Variants in ASCC3 observed in about 807,000 individuals in gnomAD.
The protein encoded by ASCC3 is ASC-1 complex subunit P200.
ASCC3 carries 158 observed loss-of-function variants against 256.3 expected under a neutral mutation model. The ratio of observed to expected loss-of-function variants is 0.62; its 90% CI spans 0.54 to 0.70. ASCC3 has a LOEUF of 0.70. ASCC3 is among the 30% of genes least tolerant of loss of function. The probability of loss-of-function intolerance (pLI) is 0.00; values close to 1 mark genes in which losing one functional copy is unlikely to be tolerated. For synonymous variants in ASCC3, 948 were observed against 883.4 expected, an observed-to-expected ratio of 1.07 and a Z score of -1.30; for missense variants, 2,259 against 2,626.0, an observed-to-expected ratio of 0.86 and a Z score of 3.05.
intron 4 of ASCC3, among the ~76,000 whole-genome samples, chr6:100,833,057 C>T (rs1445174174): frequency 1.3e-5 from 2 of 151,910 alleles, no homozygotes; most frequent in Non-Finnish European, 2.9e-5. Flanking sequence ...ACCAACATAT[C>T]CTTCAATAGG....
At chr6:100,565,169 T>C (rs1770169121) in intron 36 of ASCC3, among the ~76,000 whole-genome samples, 1 of 152,212 alleles carries the variant, frequency 6.6e-6, no homozygotes. Context: ...ACTGCATTTT[T>C]CCAGATGAAT....
At chr6:100,581,164 T>C (rs1356056289) in intron 36 of ASCC3, among the ~76,000 whole-genome samples, 1 of 152,168 alleles carries the variant, frequency 6.6e-6, no homozygotes, top group Non-Finnish European at 1.5e-5. Flanking sequence ...CACACTGACT[T>C]CCACAATGGT....
intron 36 of ASCC3, among the ~76,000 whole-genome samples, chr6:100,564,837 CA>C (rs1179087223): frequency 1.3e-5 from 2 of 151,784 alleles, no homozygotes; most frequent in Admixed American, 6.6e-5. Context: ...GAAAGGTGGT[CA>C]AGAATAAGTT....
chr6:100,550,575 C>G (rs149723813), intron 36 of ASCC3, among the ~76,000 whole-genome samples: 127 of 152,078 alleles, frequency 8.4e-4, no homozygotes, highest in African/African-American at 2.9e-3. Flanking sequence ...GAGTGCTGAA[C>G]TCACAGAGAA....
chr6:100,526,350 G>C (rs1774576048), intron 37 of ASCC3, among the ~76,000 whole-genome samples: 1 of 152,170 alleles, frequency 6.6e-6, no homozygotes, highest in South Asian at 2.1e-4. Context: ...CCCCAACCGG[G>C]AAAAGGGTTG....
chr6:100,682,089 G>A (rs1777336484), intron 13 of ASCC3, among the ~76,000 whole-genome samples: 1 of 151,952 alleles, frequency 6.6e-6, no homozygotes, highest in East Asian at 1.9e-4. Flanking sequence ...TCCATTGTAA[G>A]TTTCTTTTTA....
At chr6:100,583,542 C>T (rs1282640890) in intron 36 of ASCC3, among the ~76,000 whole-genome samples, 1 of 152,150 alleles carries the variant, frequency 6.6e-6, no homozygotes, top group East Asian at 1.9e-4. Context: ...AAACCAGCTC[C>T]TGAATTCATT....
intron 36 of ASCC3, among the ~76,000 whole-genome samples, chr6:100,550,364 G>A (rs1441989802): frequency 6.6e-6 from 1 of 151,736 alleles, no homozygotes; most frequent in Non-Finnish European, 1.5e-5. Flanking sequence ...TACTATGTAG[G>A]TCAACTTAAT....
At chr6:100,849,444 A>G (rs1772553479) in intron 3 of ASCC3, among the ~76,000 whole-genome samples, 1 of 152,152 alleles carries the variant, frequency 6.6e-6, no homozygotes, top group Admixed American at 6.5e-5. Flanking sequence ...TTTTCTTTCC[A>G]ATTTGTACCA....
chr6:100,607,626 A>T (rs952043192), intron 30 of ASCC3, among the ~76,000 whole-genome samples: 6 of 152,048 alleles, frequency 3.9e-5, no homozygotes, highest in Non-Finnish European at 7.4e-5. Context: ...TAATAACAGT[A>T]ATCTTATATA....
chr6:100,715,472 G>T lies in ASCC3; in HGVS notation c.2141C>A (p.Ala714Asp). The T allele has an allele frequency of 6.2e-7, 1 of 1,610,326 alleles. No individual in the cohort carries two copies. Among genetic ancestry groups the T allele is most frequent in the Non-Finnish European group, 8.5e-7 (1 of 1,177,436 alleles). The change falls in exon 13 of 42, where the codon GCT (alanine) becomes GAT (aspartate). Residue 714 changes from alanine (A) to aspartate (D), a missense_variant. Coordinates refer to ENST00000369162, the MANE Select transcript of ASCC3 (RefSeq NM_006828.4). ...CYENVLKQVK[A>D]GHQVMVFVHA... ...ATAAAATAAGTGTACCTGGTGTCCA[G>T]CCTTTACTTGCTTCAAAACATTTTC... is the stretch of plus-strand genomic sequence containing the variant.
At chr6:100,642,957 T>C (rs7756019) in intron 23 of ASCC3, among the ~76,000 whole-genome samples, 4,614 of 152,258 alleles carry the variant, frequency 0.03, 78 homozygotes, top group African/African-American at 0.055. Flanking sequence ...ATTTTATGGC[T>C]AATTTATATT....
At chr6:100,646,515 C>A in intron 22 of ASCC3, 100 bp downstream of exon 22, 2 of 1,270,654 alleles carry the variant, frequency 1.6e-6, no homozygotes, top group Non-Finnish European at 1.1e-6. Context: ...AATATATATT[C>A]TTTTTAGAGG....
At chr6:100,818,997 G>A (rs1041353405) in intron 4 of ASCC3, among the ~76,000 whole-genome samples, 4 of 152,162 alleles carry the variant, frequency 2.6e-5, no homozygotes, top group African/African-American at 7.2e-5. Context: ...TAAAAAGGAT[G>A]AGTTCATGTC....
intron 36 of ASCC3, among the ~76,000 whole-genome samples, chr6:100,565,286 G>A (rs760713486): frequency 4.6e-5 from 7 of 152,054 alleles, no homozygotes; most frequent in Non-Finnish European, 7.4e-5. Context: ...CCAAAAGAAA[G>A]AACATTTTTC....
At chr6:100,742,029 T>G (rs139598927) in intron 10 of ASCC3, among the ~76,000 whole-genome samples, 2 of 152,308 alleles carry the variant, frequency 1.3e-5, no homozygotes, top group African/African-American at 4.8e-5. Flanking sequence ...AGGTTGCTGA[T>G]CTCTGACTGG....
intron 23 of ASCC3, among the ~76,000 whole-genome samples, chr6:100,643,556 C>T (rs907722474): frequency 3.3e-5 from 5 of 152,046 alleles, no homozygotes; most frequent in Middle Eastern, 3.2e-3. Context: ...TCATAGTGTA[C>T]GTAGACAAGC....
intron 5 of ASCC3, among the ~76,000 whole-genome samples, chr6:100,802,783 T>C (rs1030914557): frequency 3.9e-5 from 6 of 151,972 alleles, no homozygotes; most frequent in African/African-American, 1.4e-4. Flanking sequence ...GAGGACTGCT[T>C]GAGGCTAGTA....
chr6:100,757,624 T>C (rs1388201351), intron 10 of ASCC3, among the ~76,000 whole-genome samples: 1 of 152,104 alleles, frequency 6.6e-6, no homozygotes, highest in Admixed American at 6.6e-5. Flanking sequence ...TAATTTTAAG[T>C]CTATATGGCT....
Sources: gnomAD v4.1 joint callset for allele counts (sites outside exome capture counted in the v4.1 genomes callset) on GRCh38, gnomAD v4.1.1 for gene constraint, MANE v1.5 for transcripts, NCBI Gene and HGNC (gene_info 2026-07-23, HGNC 2026-07-21) for gene names.